The following PDE11A variants were observed in gnomAD, a reference collection of about 807,000 sequenced individuals.
PDE11A encodes dual 3',5'-cyclic-AMP and -GMP phosphodiesterase 11A.
Under a neutral mutation model 100.5 loss-of-function variants are expected in PDE11A, and 100 were observed. The ratio of observed to expected loss-of-function variants is 1.00; its 90% CI spans 0.85 to 1.18. The LOEUF (loss-of-function observed/expected upper bound fraction) is 1.18, where lower values mean the gene tolerates loss of function less well. Among genes scored for constraint, PDE11A ranks in the 50% most tolerant of loss-of-function variants. The pLI is 0.00. For missense variants in PDE11A, 1,141 were observed against 1,152.6 expected, an observed-to-expected ratio of 0.99 and a Z score of 0.15; for synonymous variants, 381 against 420.8, an observed-to-expected ratio of 0.91 and a Z score of 1.16.
At chr2:177,949,264 G>GT (rs1363978205) in intron 2 of PDE11A, among the ~76,000 whole-genome samples, 1 of 146,832 alleles carries the variant, frequency 6.8e-6, no homozygotes, top group African/African-American at 2.6e-5. Flanking sequence ...TACATCTCTA[G>GT]TTTAAAATCT....
At chr2:177,723,315 G>A (rs1406221809) in intron 12 of PDE11A, 1 of 152,128 alleles carries the variant, frequency 6.6e-6, no homozygotes, top group Non-Finnish European at 1.5e-5. Flanking sequence ...CACAAATATG[G>A]ATTTAAACAC....
At chr2:177,760,154 T>G (rs540041156) in intron 10 of PDE11A, among the ~76,000 whole-genome samples, 56 of 152,210 alleles carry the variant, frequency 3.7e-4, no homozygotes, top group Non-Finnish European at 6.6e-4. Context: ...CTTAGTTGCC[T>G]TCTACATAAA....
At chr2:178,020,923 T>TGGGG (rs1298481187) in intron 1 of PDE11A, among the ~76,000 whole-genome samples, 74 of 117,718 alleles carry the variant, frequency 6.3e-4, no homozygotes, top group Non-Finnish European at 1.0e-3. Flanking sequence ...TTTTTTGTCT[T>TGGGG]GGTGTGTGTG....
intron 1 of PDE11A, among the ~76,000 whole-genome samples, chr2:178,051,522 T>C (rs2086826639): frequency 6.6e-6 from 1 of 152,154 alleles, no homozygotes; most frequent in African/African-American, 2.4e-5. Context: ...ACCTTAAATG[T>C]AAATGGGCTA....
At chr2:177,885,040 G>C (rs34356580) in intron 4 of PDE11A, among the ~76,000 whole-genome samples, 4 of 151,840 alleles carry the variant, frequency 2.6e-5, no homozygotes, top group Admixed American at 2.6e-4. Context: ...GTGGGGTTAG[G>C]GGTTCAGTAG....
intron 12 of PDE11A, among the ~76,000 whole-genome samples, chr2:177,714,774 G>T (rs2081411668): frequency 6.6e-6 from 1 of 152,182 alleles, no homozygotes; most frequent in African/African-American, 2.4e-5. Context: ...AAACATCTAA[G>T]TCTTCTCACA....
chr2:177,660,502 G>A (rs1212288050), intron 19 of PDE11A, among the ~76,000 whole-genome samples: 2 of 151,922 alleles, frequency 1.3e-5, no homozygotes, highest in African/African-American at 2.4e-5. Context: ...TCTGTCTGTC[G>A]CTTTCTGTCA....
chr2:177,956,279 T>C (rs1484051193), intron 2 of PDE11A, among the ~76,000 whole-genome samples: 21 of 152,210 alleles, frequency 1.4e-4, no homozygotes, highest in African/African-American at 3.9e-4. Flanking sequence ...CAAAAGAAGA[T>C]ATTTATGCAG....
At chr2:177,644,784 T>A (rs1017009567) in intron 19 of PDE11A, among the ~76,000 whole-genome samples, 1 of 152,166 alleles carries the variant, frequency 6.6e-6, no homozygotes, top group Admixed American at 6.5e-5. Flanking sequence ...AGGAACCCAG[T>A]GGGAGGTGAT....
chr2:177,780,049 G>A (rs544302542), intron 9 of PDE11A, among the ~76,000 whole-genome samples: 3 of 152,204 alleles, frequency 2.0e-5, no homozygotes, highest in Admixed American at 1.3e-4. Flanking sequence ...TAATATCCTT[G>A]TACAGCTCCA....
At chr2:177,977,442 C>T (rs371769669) in intron 2 of PDE11A, among the ~76,000 whole-genome samples, 64 of 128,850 alleles carry the variant, frequency 5.0e-4, no homozygotes, top group African/African-American at 1.8e-3. Flanking sequence ...TAAAAGAGGA[C>T]ACAAACAAAT....
chr2:177,746,229 G>A (rs2081945693), intron 10 of PDE11A, among the ~76,000 whole-genome samples: 1 of 152,144 alleles, frequency 6.6e-6, no homozygotes, highest in South Asian at 2.1e-4. Flanking sequence ...TGAACAAGAT[G>A]GTTCTTGTTG....
rs541494624 is a variant in PDE11A, at chr2:177,885,806, T to G, written c.1303-9883A>C. On this transcript the variant is annotated intron_variant, in intron 4 of 19. Coordinates refer to ENST00000286063, the MANE Select transcript of PDE11A (RefSeq NM_016953.4). Reference sequence around the variant, plus strand: ...TCTAGTTCATTGGCTTAACTGTATGTACATTTACATAAGGACCAAGGAGCT... The same window carrying G: ...TCTAGTTCATTGGCTTAACTGTATGGACATTTACATAAGGACCAAGGAGCT... Among the ~76,000 whole-genome samples the G allele has an allele frequency of 2.6e-5, 4 of 152,272 alleles. No homozygotes were observed. In the South Asian group the frequency reaches 6.2e-4, roughly 24 times the overall value.
chr2:177,670,100 T>G (rs967553902), intron 17 of PDE11A, among the ~76,000 whole-genome samples: 2 of 152,336 alleles, frequency 1.3e-5, no homozygotes, highest in Admixed American at 1.3e-4. Flanking sequence ...CATCCTCTGC[T>G]TCCTACTGTT....
intron 13 of PDE11A, among the ~76,000 whole-genome samples, chr2:177,710,608 A>G (rs1376749072): frequency 6.6e-6 from 1 of 152,190 alleles, no homozygotes; most frequent in Non-Finnish European, 1.5e-5. Context: ...CTGAACCAGG[A>G]CTGAGTTTCT....
chr2:178,100,914 A>T (rs747147732), intron 2 of PDE11A, among the ~76,000 whole-genome samples: 7 of 152,246 alleles, frequency 4.6e-5, no homozygotes, highest in Non-Finnish European at 8.8e-5. Flanking sequence ...TGCTTATAAC[A>T]GGATAATAAT....
chr2:178,022,631 G>A (rs1289351353), intron 1 of PDE11A, among the ~76,000 whole-genome samples: 2 of 152,142 alleles, frequency 1.3e-5, no homozygotes, highest in Non-Finnish European at 2.9e-5. Context: ...GCCAGGTAAG[G>A]AGGAAACAGG....
chr2:177,780,815 C>G (rs911344214), intron 9 of PDE11A, among the ~76,000 whole-genome samples: 3 of 152,222 alleles, frequency 2.0e-5, no homozygotes, highest in Non-Finnish European at 2.9e-5. Flanking sequence ...GGGCCTTGAT[C>G]TGGATTAGGC....
At chr2:177,730,236 C>T (rs1379333921) in intron 10 of PDE11A, among the ~76,000 whole-genome samples, 1 of 152,130 alleles carries the variant, frequency 6.6e-6, no homozygotes, top group Non-Finnish European at 1.5e-5. Flanking sequence ...CTCCCCACAC[C>T]CCACGACAGA....
Sources: allele counts gnomAD v4.1 joint callset (sites outside exome capture counted in the v4.1 genomes callset), GRCh38; gene constraint gnomAD v4.1.1; transcripts MANE v1.5; gene names NCBI Gene and HGNC (gene_info 2026-07-23, HGNC 2026-07-21).